Variants in LMO1 observed in about 807,000 individuals in gnomAD.
LMO1 encodes the protein LIM domain only 1.
A neutral mutation model predicts 18.0 loss-of-function variants in LMO1; 10 were observed. The ratio of observed to expected loss-of-function variants is 0.55; its 90% confidence interval spans 0.34 to 0.94. The LOEUF (loss-of-function observed/expected upper bound fraction) is 0.94. LMO1 is among the 40% of genes least tolerant of loss of function. The probability of loss-of-function intolerance (pLI) is 0.02; values close to 1 mark genes in which losing one functional copy is unlikely to be tolerated. For missense variants in LMO1, 183 were observed against 205.7 expected (o/e 0.89, Z 0.68); for synonymous variants, 77 against 77.9 (o/e 0.99, Z 0.06).
chr11:8,225,821 A>G (rs1406694974), intron 3 of LMO1, among the ~76,000 whole-genome samples: 2 of 152,206 alleles, frequency 1.3e-5, no homozygotes, highest in African/African-American at 4.8e-5. Flanking sequence ...CAGCCAGACC[A>G]GCGTTCCCTG....
upstream of LMO1, chr11:8,264,000 G>A (rs1487428630): frequency 2.8e-5 from 10 of 358,052 alleles, no homozygotes; most frequent in Non-Finnish European, 4.0e-5. Context: ...GAGGCTTCTA[G>A]GTCCTAGCTC....
chr11:8,251,860 T>A (rs7935649), intron 1 of LMO1, among the ~76,000 whole-genome samples: 18,579 of 88,462 alleles, frequency 0.21, 2,016 homozygotes, highest in African/African-American at 0.41. Context: ...CGTGTGTGTG[T>A]GAATGTGTGT....
intron 3 of LMO1, 26 bp from the exon 4 acceptor site, chr11:8,224,747 A>C: frequency 1.3e-6 from 2 of 1,489,802 alleles, no homozygotes; most frequent in Non-Finnish European, 1.8e-6. Flanking sequence ...GAGAGAGAGA[A>C]GCCATGGGAA....
At chr11:8,253,052 C>A (rs1239547043) in intron 1 of LMO1, among the ~76,000 whole-genome samples, 1 of 152,240 alleles carries the variant, frequency 6.6e-6, no homozygotes, top group Admixed American at 6.5e-5. Context: ...TTGTGAACTT[C>A]CTCCTAGAGC....
chr11:8,255,683 G>C (rs1847079090), intron 1 of LMO1, among the ~76,000 whole-genome samples: 1 of 152,156 alleles, frequency 6.6e-6, no homozygotes, highest in African/African-American at 2.4e-5. Context: ...AAACTGCTCA[G>C]CCAAGCCCTG....
chr11:8,248,659 C>T (rs752232179), intron 1 of LMO1, among the ~76,000 whole-genome samples: 7 of 152,354 alleles, frequency 4.6e-5, no homozygotes, highest in East Asian at 1.9e-4. Flanking sequence ...CCGTGAGCCA[C>T]GCCTCTTTCC....
At chr11:8,262,278 G>A (rs934356225) in intron 1 of LMO1, among the ~76,000 whole-genome samples, 1 of 152,184 alleles carries the variant, frequency 6.6e-6, no homozygotes, top group African/African-American at 2.4e-5. Flanking sequence ...GCAGAACGCC[G>A]GCGGCAGCGT....
upstream of LMO1, chr11:8,268,510 C>T: frequency 7.7e-7 from 1 of 1,292,772 alleles, no homozygotes; most frequent in East Asian, 3.2e-5. Context: ...GCTCCGACTC[C>T]CGCCGCCGGC....
intron 1 of LMO1, among the ~76,000 whole-genome samples, chr11:8,240,588 G>A (rs1007950119): frequency 1.7e-4 from 26 of 152,132 alleles, no homozygotes; most frequent in African/African-American, 6.3e-4. Context: ...TGTCTGGTGA[G>A]AGTTGCTTCT....
At chr11:8,258,661 G>T (rs1847137238) in intron 1 of LMO1, among the ~76,000 whole-genome samples, 1 of 152,200 alleles carries the variant, frequency 6.6e-6, no homozygotes, top group Non-Finnish European at 1.5e-5. Context: ...CAGCTGCCTG[G>T]TCTGACTCTG....
chr11:8,228,882 C>T (rs1350918789), intron 2 of LMO1, among the ~76,000 whole-genome samples: 1 of 151,946 alleles, frequency 6.6e-6, no homozygotes, highest in African/African-American at 2.4e-5. Flanking sequence ...GGGGTGAATC[C>T]CCAGGAACAT....
upstream of LMO1, chr11:8,263,976 C>T (rs1234726953): frequency 8.0e-6 from 5 of 624,712 alleles, no homozygotes; most frequent in African/African-American, 2.0e-5. Context: ...TGTCCGGCTC[C>T]GCAGCGCCAC....
intron 1 of LMO1, among the ~76,000 whole-genome samples, chr11:8,231,410 A>G (rs1165355316): frequency 1.3e-5 from 2 of 152,240 alleles, no homozygotes; most frequent in Admixed American, 1.3e-4. Flanking sequence ...ATGAAGTGAC[A>G]GAGGCACGGG....
chr11:8,229,228 T>G (rs974656789), intron 2 of LMO1, among the ~76,000 whole-genome samples: 3 of 152,134 alleles, frequency 2.0e-5, no homozygotes, highest in Non-Finnish European at 2.9e-5. Flanking sequence ...TCTCAGCCTC[T>G]CCCCTCCAGC....
chr11:8,235,710 A>G (rs1214093872), intron 1 of LMO1, among the ~76,000 whole-genome samples: 1 of 152,160 alleles, frequency 6.6e-6, no homozygotes, highest in African/African-American at 2.4e-5. Context: ...ATATCTCTCA[A>G]TGTGGGTTTG....
chr11:8,224,766 T>C (rs746330414), intron 3 of LMO1, 45 bp from the exon 4 acceptor site: 34 of 1,325,108 alleles, frequency 2.6e-5, no homozygotes, highest in Non-Finnish European at 3.3e-5. Context: ...AAGGTCCCAG[T>C]GGGTAAGGGG....
chr11:8,262,924 G>T (rs1847211629), intron 1 of LMO1, among the ~76,000 whole-genome samples: 1 of 152,246 alleles, frequency 6.6e-6, no homozygotes, highest in South Asian at 2.1e-4. Flanking sequence ...CGCCTCTCGG[G>T]TTACGCGGCG....
intron 1 of LMO1, among the ~76,000 whole-genome samples, chr11:8,237,670 G>A (rs1006734293): frequency 6.6e-6 from 1 of 152,246 alleles, no homozygotes; most frequent in Admixed American, 6.5e-5. Context: ...GGCTCCTATG[G>A]CCTCCAGCTC....
intron 1 of LMO1, among the ~76,000 whole-genome samples, chr11:8,246,441 T>C (rs1846895131): frequency 6.6e-6 from 1 of 152,202 alleles, no homozygotes; most frequent in East Asian, 1.9e-4. Context: ...GCAGATACAA[T>C]AACCACATAT....
Sources: allele counts gnomAD v4.1 joint callset (sites outside exome capture counted in the v4.1 genomes callset), GRCh38; gene constraint gnomAD v4.1.1; transcripts MANE v1.5; gene names NCBI Gene and HGNC (gene_info 2026-07-23, HGNC 2026-07-21).